Variants in PIK3R1 observed in about 807,000 individuals in gnomAD.
PIK3R1 encodes phosphoinositide-3-kinase regulatory subunit 1, also known as phosphatidylinositol 3-kinase regulatory subunit alpha.
A neutral mutation model predicts 98.0 loss-of-function variants in PIK3R1; 29 were observed. The ratio of observed to expected loss-of-function variants is 0.30; its 90% CI spans 0.22 to 0.40. PIK3R1 has a LOEUF of 0.40. PIK3R1 is among the 10% of genes least tolerant of loss of function. The probability of loss-of-function intolerance (pLI) is 1.00; values close to 1 mark genes in which losing one functional copy is unlikely to be tolerated. For synonymous variants in PIK3R1, 282 were observed against 311.8 expected, an observed-to-expected ratio of 0.90 and a Z score of 1.01; for missense variants, 596 against 872.7, an observed-to-expected ratio of 0.68 and a Z score of 3.99.
At chr5:68,217,736 G>T (rs1743955993) in intron 1 of PIK3R1, 1 of 151,764 alleles carries the variant, frequency 6.6e-6, no homozygotes, top group African/African-American at 2.4e-5. Context: ...AGTGGAGGAG[G>T]CTCCCTGCCT....
chr5:68,272,575 G>A (rs1017310226), intron 2 of PIK3R1, among the ~76,000 whole-genome samples: 2 of 152,086 alleles, frequency 1.3e-5, no homozygotes, highest in Non-Finnish European at 2.9e-5. Flanking sequence ...TGAGAATAAG[G>A]TTATCAATGT....
Position 68,296,320 on chromosome 5 carries a change from G to A in PIK3R1, c.1964G>A (p.Gly655Asp). The A allele has an allele frequency of 6.2e-7, 1 of 1,614,126 alleles. No individual in the cohort carries two copies. The highest frequency in any genetic ancestry group is 8.5e-7 in the Non-Finnish European group (1 of 1,179,996). The change falls in exon 15 of 16, where the codon GGC (glycine) becomes GAC (aspartate). Residue 655 changes from glycine to aspartate, a missense_variant. Physicochemically the swap from Gly to Asp is moderately conservative, Grantham distance 94. Transcript: ENST00000521381. ...TFLVRESSKQ[G>D]CYACSVVVDG... ...CTTGTCCGGGAGAGCAGTAAACAGG[G>A]CTGCTATGCCTGCTCTGTAGTGTAT...
chr5:68,257,757 A>G (rs985768520), intron 2 of PIK3R1, among the ~76,000 whole-genome samples: 1 of 152,188 alleles, frequency 6.6e-6, no homozygotes, highest in Non-Finnish European at 1.5e-5. Context: ...TCCACTGTAG[A>G]TAGCCTCTGT....
chr5:68,269,557 C>A (rs1746262581), intron 2 of PIK3R1, among the ~76,000 whole-genome samples: 2 of 151,982 alleles, frequency 1.3e-5, no homozygotes, highest in South Asian at 4.1e-4. Flanking sequence ...GAACACCTTG[C>A]CAAATTTGGT....
Position 68,226,946 on chromosome 5 carries a change from C to T in PIK3R1, c.271C>T (p.Pro91Ser), listed in dbSNP as rs2111965487. 1 of 1,614,084 alleles carries T rather than the reference C, an allele frequency of 6.2e-7. No homozygotes were observed. The change falls in exon 2 of 16, where the codon CCA becomes TCA. Residue 91 changes from proline (P) to serine (S), a missense_variant. Physicochemically the swap from Pro to Ser is moderately conservative, Grantham distance 74. Transcript: ENST00000521381. ...KISPPTPKPR[P>S]PRPLPVAPGS... ...CTCGCCTCCCACACCAAAGCCCCGG[C>T]CACCTCGGCCTCTTCCTGTTGCACC...
At chr5:68,224,117 A>G (rs895130910) in intron 1 of PIK3R1, among the ~76,000 whole-genome samples, 1 of 152,174 alleles carries the variant, frequency 6.6e-6, no homozygotes, top group Non-Finnish European at 1.5e-5. Flanking sequence ...GCAGATTTGG[A>G]GGAATTAAAT....
intron 2 of PIK3R1, among the ~76,000 whole-genome samples, chr5:68,261,573 T>C (rs1745749191): frequency 6.6e-6 from 1 of 152,056 alleles, no homozygotes; most frequent in South Asian, 2.1e-4. Flanking sequence ...GTAGGTTACA[T>C]TAAATGGCCC....
chr5:68,221,257 G>A (rs1744083404), intron 1 of PIK3R1, among the ~76,000 whole-genome samples: 1 of 152,176 alleles, frequency 6.6e-6, no homozygotes, highest in Non-Finnish European at 1.5e-5. Flanking sequence ...AAGACACTAG[G>A]ATATTTTAAT....
chr5:68,267,640 CCTT>C (rs1746177392), intron 2 of PIK3R1, among the ~76,000 whole-genome samples: 1 of 151,450 alleles, frequency 6.6e-6, no homozygotes, highest in African/African-American at 2.4e-5. Flanking sequence ...CTTTTTTTCT[CCTT>C]CTTCCTCCAA....
At chr5:68,255,006 G>A (rs936242457) in intron 2 of PIK3R1, among the ~76,000 whole-genome samples, 3 of 152,042 alleles carry the variant, frequency 2.0e-5, no homozygotes, top group Non-Finnish European at 2.9e-5. Flanking sequence ...GCAAATGGAC[G>A]AGCTGCTGCT....
chr5:68,287,384 A>G (rs759543777), intron 7 of PIK3R1, among the ~76,000 whole-genome samples: 26 of 152,180 alleles, frequency 1.7e-4, no homozygotes, highest in Non-Finnish European at 3.7e-4. Context: ...TGAAACCATC[A>G]GAAGATTGGG....
chr5:68,255,424 G>C (rs574732183), intron 2 of PIK3R1, among the ~76,000 whole-genome samples: 1 of 152,016 alleles, frequency 6.6e-6, no homozygotes, highest in African/African-American at 2.4e-5. Flanking sequence ...GCCTCATCCT[G>C]TGCTTCAGCA....
chr5:68,289,947 A>G lies in PIK3R1; in HGVS notation c.917-2312A>G, dbSNP rs185452082. Reference sequence around the variant, plus strand: ...CTTTGCCCAGTTTTTTTAGGCAGTCACATTAAAATTCTCATTAATAATGTT... The same window carrying G: ...CTTTGCCCAGTTTTTTTAGGCAGTCGCATTAAAATTCTCATTAATAATGTT... On this transcript the variant is annotated intron_variant, in intron 7 of 15. Coordinates refer to ENST00000521381, the MANE Select transcript of PIK3R1 (RefSeq NM_181523.3). 1.1e-4 allele frequency among the ~76,000 whole-genome samples: 17 copies of G among 152,210 alleles called. No homozygotes were observed. The East Asian group carries it at 2.7e-3, about 24-fold the overall frequency.
intron 2 of PIK3R1, among the ~76,000 whole-genome samples, chr5:68,270,526 G>GT (rs1392172880): frequency 1.3e-5 from 2 of 151,838 alleles, no homozygotes; most frequent in African/African-American, 2.4e-5. Flanking sequence ...CAACATTAAA[G>GT]TTTTTTTTAA....
intron 2 of PIK3R1, among the ~76,000 whole-genome samples, chr5:68,237,737 C>CT (rs780292441): frequency 4.6e-4 from 70 of 151,946 alleles, no homozygotes; most frequent in Non-Finnish European, 2.4e-4. Flanking sequence ...AAAAAATATT[C>CT]TTAACACATA....
intron 2 of PIK3R1, among the ~76,000 whole-genome samples, chr5:68,231,337 G>C (rs2111981539): frequency 6.6e-6 from 1 of 152,296 alleles, no homozygotes; most frequent in East Asian, 1.9e-4. Flanking sequence ...GGCTCCTCCT[G>C]CAGCCTCTGA....
intron 7 of PIK3R1, chr5:68,291,830 T>C (rs1278222164): frequency 6.5e-6 from 1 of 154,826 alleles, no homozygotes. Context: ...GAGACCAAAT[T>C]TGTCTTTCGT....
intron 2 of PIK3R1, among the ~76,000 whole-genome samples, chr5:68,250,813 A>G (rs1172979793): frequency 6.6e-6 from 1 of 152,180 alleles, no homozygotes; most frequent in Non-Finnish European, 1.5e-5. Flanking sequence ...CTCAGCCCTA[A>G]GTTCCTAAAA....
chr5:68,293,698 A>C lies in PIK3R1; in HGVS notation c.1300-11A>C, dbSNP rs1430723356. On this transcript the variant is annotated splice_polypyrimidine_tract_variant and intron_variant, in intron 10 of 15. Transcript: ENST00000521381. ...ATACCTTATCCATTGAATTTATTTT[A>C]ATCTTTCTAGGATCAAGTTGTCAAA... 2.8e-6 allele frequency: 4 copies of C among 1,414,200 alleles called. No individual in the cohort carries two copies. The highest frequency in any genetic ancestry group is 2.9e-6 in the Non-Finnish European group (3 of 1,023,212). The allele number at this position is 1,414,200 out of a possible 1,614,324, so 87.6% of individuals were successfully genotyped here.
Sources: gnomAD v4.1 joint callset for allele counts (sites outside exome capture counted in the v4.1 genomes callset) on GRCh38, gnomAD v4.1.1 for gene constraint, MANE v1.5 for transcripts, NCBI Gene and HGNC (gene_info 2026-07-23, HGNC 2026-07-21) for gene names.